ADAMTS2: variants seen among roughly 807,000 people sequenced by gnomAD.
ADAMTS2 encodes the protein ADAM metallopeptidase with thrombospondin type 1 motif 2, also known as A disintegrin and metalloproteinase with thrombospondin motifs 2.
In ADAMTS2, 50 loss-of-function variants were observed where a neutral mutation model predicts 123.0. The ratio of observed to expected loss-of-function variants is 0.41; its 90% confidence interval spans 0.32 to 0.51. The LOEUF is 0.51. Ranked by LOEUF, ADAMTS2 falls within the 20% of genes least tolerant of loss-of-function variation. The pLI is 0.35. For synonymous variants in ADAMTS2, 678 were observed against 695.4 expected (o/e 0.98, Z 0.39); for missense variants, 1,494 against 1,705.2 (o/e 0.88, Z 2.18).
chr5:179,139,850 T>G (rs1306314154), intron 11 of ADAMTS2, 40 bp downstream of exon 11: 1 of 1,610,050 alleles, frequency 6.2e-7, no homozygotes, highest in Non-Finnish European at 8.5e-7. Context: ...GACCCTCAGC[T>G]GCCACTCAGC....
intron 3 of ADAMTS2, among the ~76,000 whole-genome samples, chr5:179,208,917 C>T (rs953360563): frequency 6.6e-6 from 1 of 152,216 alleles, no homozygotes; most frequent in South Asian, 2.1e-4. Context: ...GGCCAGGCCC[C>T]GAGGCCCCTG....
At chr5:179,302,770 C>A (rs905288897) in intron 2 of ADAMTS2, among the ~76,000 whole-genome samples, 1 of 151,514 alleles carries the variant, frequency 6.6e-6, no homozygotes, top group African/African-American at 2.4e-5. Flanking sequence ...GGAGCTGAGG[C>A]CTAAATGATT....
At chr5:179,157,957 TG>T (rs200001531) in intron 6 of ADAMTS2, among the ~76,000 whole-genome samples, 14 of 147,654 alleles carry the variant, frequency 9.5e-5, no homozygotes, top group East Asian at 2.0e-4. Context: ...ATGGTTTGTT[TG>T]GTTTTTTTTG....
At chr5:179,240,737 T>C (rs1235701300) in intron 3 of ADAMTS2, among the ~76,000 whole-genome samples, 5 of 152,170 alleles carry the variant, frequency 3.3e-5, no homozygotes, top group Non-Finnish European at 4.4e-5. Flanking sequence ...ATCTTGCTGT[T>C]TGGGGGAGGG....
At chr5:179,253,952 A>C (rs924557209) in intron 3 of ADAMTS2, among the ~76,000 whole-genome samples, 2 of 152,042 alleles carry the variant, frequency 1.3e-5, no homozygotes, top group Admixed American at 1.3e-4. Flanking sequence ...GCACTACTCC[A>C]CATTTCCCAG....
chr5:179,268,737 C>T (rs1766441881), intron 3 of ADAMTS2, among the ~76,000 whole-genome samples: 1 of 152,230 alleles, frequency 6.6e-6, no homozygotes, highest in African/African-American at 2.4e-5. Flanking sequence ...GGCAGCAGGA[C>T]CAGGGCCTGC....
chr5:179,141,106 C>T (rs1248470851), intron 10 of ADAMTS2, among the ~76,000 whole-genome samples: 5 of 151,920 alleles, frequency 3.3e-5, no homozygotes, highest in African/African-American at 4.8e-5. Flanking sequence ...TGAGCCACCG[C>T]GCCCGGCCGA....
chr5:179,133,175 G>A (rs1173422808), intron 13 of ADAMTS2, among the ~76,000 whole-genome samples: 2 of 152,196 alleles, frequency 1.3e-5, no homozygotes, highest in African/African-American at 2.4e-5. Context: ...CTGTGCACGC[G>A]GCTGGTCTTG....
intron 3 of ADAMTS2, among the ~76,000 whole-genome samples, chr5:179,257,725 C>T (rs1343552048): frequency 1.3e-5 from 2 of 152,176 alleles, no homozygotes; most frequent in Admixed American, 6.5e-5. Flanking sequence ...ATTTCAACTC[C>T]GAGGCAGCCC....
chr5:179,288,771 G>A (rs1418988779), intron 2 of ADAMTS2, among the ~76,000 whole-genome samples: 1 of 152,222 alleles, frequency 6.6e-6, no homozygotes, highest in Non-Finnish European at 1.5e-5. Context: ...GATTCGGGGA[G>A]ACTGAACTCA....
rs925283695 is a variant in ADAMTS2, at chr5:179,156,057, G to A, written c.1133-1138C>T. ...TGGAGTCTGTGTGCCTGAGTGGAAC[G>A]TTGCCATCTCCTCTTTGCCCTTTGT... On this transcript the variant is annotated intron_variant, in intron 6 of 21. Transcript: ENST00000251582. 4.6e-5 allele frequency among the ~76,000 whole-genome samples: 7 copies of A among 152,256 alleles called. No homozygotes were observed. The South Asian group carries it at 6.2e-4, about 14-fold the overall frequency.
intron 2 of ADAMTS2, among the ~76,000 whole-genome samples, chr5:179,333,997 G>C (rs1464888517): frequency 6.6e-6 from 1 of 152,200 alleles, no homozygotes; most frequent in Non-Finnish European, 1.5e-5. Context: ...AGGAGACTCT[G>C]CAGACAGTGC....
At chr5:179,274,391 C>T (rs1766634113) in intron 2 of ADAMTS2, among the ~76,000 whole-genome samples, 1 of 152,260 alleles carries the variant, frequency 6.6e-6, no homozygotes, top group Admixed American at 6.5e-5. Context: ...GATTTCCAGA[C>T]TCTCTTGAAA....
At position 179,188,522 on chromosome 5, in the gene ADAMTS2, C is replaced by T. The variant is rs1764225414; in HGVS notation, c.892-7367G>A. On this transcript the variant is annotated intron_variant, in intron 4 of 21. Transcript: ENST00000251582. This position sits in a 1 kb window ranked among gnomAD's most constrained non-coding sequence, Gnocchi z 5.1. ...AATCAACGTTCCCATTGCAGATCTT[C>T]TTCACCCTCGGCTCCTCAGCAGATG... Among the ~76,000 whole-genome samples the T allele has an allele frequency of 6.6e-6, 1 of 152,176 alleles. No homozygotes were observed. The highest frequency in any genetic ancestry group is 6.5e-5 in the Admixed American group (1 of 15,278).
At chr5:179,191,761 T>A (rs1489897227) in intron 4 of ADAMTS2, among the ~76,000 whole-genome samples, 4 of 152,144 alleles carry the variant, frequency 2.6e-5, no homozygotes, top group Non-Finnish European at 5.9e-5. Context: ...CCCACTGAGA[T>A]GAGACCCTCT....
intron 2 of ADAMTS2, among the ~76,000 whole-genome samples, chr5:179,327,846 A>G (rs1757355136): frequency 1.3e-5 from 2 of 152,166 alleles, no homozygotes; most frequent in Non-Finnish European, 2.9e-5. Context: ...AAAAGAAGAG[A>G]CAATATTATG....
At chr5:179,209,626 TTCCAGGGCCAC>T (rs113459243) in intron 3 of ADAMTS2, among the ~76,000 whole-genome samples, 20,822 of 151,810 alleles carry the variant, frequency 0.14, 1,505 homozygotes, top group South Asian at 0.19. Context: ...AGCAAGGACT[TTCCAGGGCCAC>T]TCCAGGGACA....
At chr5:179,223,411 C>A (rs961070562) in intron 3 of ADAMTS2, among the ~76,000 whole-genome samples, 6 of 150,098 alleles carry the variant, frequency 4.0e-5, no homozygotes, top group Non-Finnish European at 5.9e-5. Context: ...CGCATGCAGT[C>A]ACATACACAC....
intron 2 of ADAMTS2, among the ~76,000 whole-genome samples, chr5:179,316,212 G>A (rs1231705332): frequency 1.3e-5 from 2 of 152,218 alleles, no homozygotes; most frequent in Non-Finnish European, 2.9e-5. Flanking sequence ...AGGAAGTCCT[G>A]CTGGCAAAGA....
Sources: allele counts gnomAD v4.1 joint callset (sites outside exome capture counted in the v4.1 genomes callset), GRCh38; gene constraint gnomAD v4.1.1; non-coding constraint Gnocchi (gnomAD v3.1); transcripts MANE v1.5; gene names NCBI Gene and HGNC (gene_info 2026-07-23, HGNC 2026-07-21).